The following CABLES1 variants were observed in gnomAD, a reference collection of about 807,000 sequenced individuals.
CABLES1 encodes the protein CDK5 and ABL1 enzyme substrate 1.
Under a neutral mutation model 57.8 loss-of-function variants are expected in CABLES1, and 36 were observed. That is an observed-to-expected ratio of 0.62 (90% CI 0.48 to 0.82). The LOEUF is 0.82. CABLES1 is among the 40% of genes least tolerant of loss of function. The pLI is 0.00. For missense variants in CABLES1, 767 were observed against 836.6 expected (o/e 0.92, Z 1.03); for synonymous variants, 374 against 363.0 (o/e 1.03, Z -0.35).
chr18:23,240,585 C>G (rs957034188), intron 7 of CABLES1, among the ~76,000 whole-genome samples: 1 of 152,230 alleles, frequency 6.6e-6, no homozygotes, highest in Non-Finnish European at 1.5e-5. Flanking sequence ...GGCAGATTCC[C>G]TCCTGGGTGG....
chr18:23,229,285 G>T (rs970863345), intron 4 of CABLES1, among the ~76,000 whole-genome samples: 1 of 152,018 alleles, frequency 6.6e-6, no homozygotes, highest in Non-Finnish European at 1.5e-5. Context: ...GGTGGCAGGC[G>T]CCTGTAATCC....
chr18:23,250,448 C>T (rs894201305), intron 7 of CABLES1, among the ~76,000 whole-genome samples: 1 of 152,172 alleles, frequency 6.6e-6, no homozygotes, highest in Non-Finnish European at 1.5e-5. Context: ...AGATGTGGCC[C>T]CCATTCTACT....
chr18:23,253,993 C>T, intron 9 of CABLES1, 57 bp downstream of exon 9: 1 of 1,480,916 alleles, frequency 6.8e-7, no homozygotes, highest in Non-Finnish European at 9.4e-7. Context: ...CGGGGTTCCT[C>T]TCTCAGAAGG....
At chr18:23,246,465 C>T (rs1011060207) in intron 7 of CABLES1, among the ~76,000 whole-genome samples, 3 of 151,958 alleles carry the variant, frequency 2.0e-5, no homozygotes, top group Non-Finnish European at 2.9e-5. Flanking sequence ...GATCTTGGCT[C>T]ACTGCAAGCT....
At position 23,212,812 on chromosome 18, in the gene CABLES1, G is replaced by A. The variant is rs142472491; in HGVS notation, c.1011-1165G>A. On this transcript the variant is annotated intron_variant, in intron 3 of 9. Coordinates refer to ENST00000256925, the MANE Select transcript of CABLES1 (RefSeq NM_001100619.3). ...CATGAAGAGGGGCAGGAAACACTCC[G>A]TGGAGGGGGTACTTCTGAGCTACGT... Among the ~76,000 whole-genome samples, 36 of 152,316 alleles carry A rather than the reference G, an allele frequency of 2.4e-4. No individual in the cohort carries two copies. In the East Asian group the frequency reaches 3.3e-3, roughly 14 times the overall value.
At chr18:23,158,257 G>A (rs2046978820) in intron 1 of CABLES1, among the ~76,000 whole-genome samples, 1 of 152,012 alleles carries the variant, frequency 6.6e-6, no homozygotes, top group Admixed American at 6.5e-5. Context: ...AGCTGTGTTT[G>A]CATCACTGCA....
At chr18:23,156,179 C>G (rs745530815) in intron 1 of CABLES1, among the ~76,000 whole-genome samples, 15 of 152,170 alleles carry the variant, frequency 9.9e-5, no homozygotes, top group Non-Finnish European at 1.3e-4. Flanking sequence ...CCTCCAGCCC[C>G]CAAGACCAGC....
At chr18:23,151,050 G>A (rs1289617597) in intron 1 of CABLES1, among the ~76,000 whole-genome samples, 2 of 132,218 alleles carry the variant, frequency 1.5e-5, no homozygotes, top group Admixed American at 1.7e-4. Flanking sequence ...GCAGAGTCTC[G>A]CTCTGTTGCC....
intron 2 of CABLES1, among the ~76,000 whole-genome samples, chr18:23,193,122 C>T (rs774119378): frequency 3.3e-5 from 5 of 152,102 alleles, no homozygotes; most frequent in Non-Finnish European, 7.4e-5. Context: ...ACTCTAACCC[C>T]TCCTGAAAGC....
intron 1 of CABLES1, among the ~76,000 whole-genome samples, chr18:23,181,882 G>A (rs1042805018): frequency 6.6e-6 from 1 of 152,176 alleles, no homozygotes; most frequent in Admixed American, 6.5e-5. Context: ...GGGTTTATTT[G>A]GTCATAATAA....
chr18:23,147,308 G>A (rs912751834), intron 1 of CABLES1, among the ~76,000 whole-genome samples: 5 of 152,220 alleles, frequency 3.3e-5, no homozygotes, highest in Admixed American at 1.3e-4. Flanking sequence ...GCCGCTTAAC[G>A]GCACCTTTTG....
chr18:23,187,287 G>A (rs9951244), intron 1 of CABLES1, among the ~76,000 whole-genome samples: 1 of 152,214 alleles, frequency 6.6e-6, no homozygotes, highest in Non-Finnish European at 1.5e-5. Context: ...CATGAACACA[G>A]AGGGCGATGT....
chr18:23,225,119 G>A (rs1475324068), intron 4 of CABLES1, among the ~76,000 whole-genome samples: 5 of 151,536 alleles, frequency 3.3e-5, no homozygotes, highest in African/African-American at 1.2e-4. Context: ...CTCCCACCTC[G>A]GCCTTCTAAA....
chr18:23,236,014 A>G lies in CABLES1; in HGVS notation c.1305A>G (p.Ile435Met). The change falls in exon 6 of 10, where the codon ATA (isoleucine) becomes ATG (methionine). Residue 435 changes from isoleucine to methionine, a missense_variant. Coordinates refer to ENST00000256925, the MANE Select transcript of CABLES1 (RefSeq NM_001100619.3). Reference sequence around the variant, plus strand: ...ACCTGAGCCACCGCAGCCTCTCCATAGGCCGGGCAAGCGGCACCCAGGGGA... The same window carrying G: ...ACCTGAGCCACCGCAGCCTCTCCATGGGCCGGGCAAGCGGCACCCAGGGGA... ...FRNLSHRSLS[I>M]GRASGTQGSL... 9 of 1,614,202 alleles carry G rather than the reference A, an allele frequency of 5.6e-6. No individual in the cohort carries two copies. The highest frequency in any genetic ancestry group is 6.8e-6 in the Non-Finnish European group (8 of 1,180,042).
chr18:23,245,435 C>T (rs577955488), intron 7 of CABLES1, among the ~76,000 whole-genome samples: 15 of 150,086 alleles, frequency 1.0e-4, no homozygotes, highest in Non-Finnish European at 2.1e-4. Context: ...CGCTTGAACC[C>T]GGGAGGCGGA....
chr18:23,196,949 C>T (rs1045217390), intron 3 of CABLES1: 1 of 152,366 alleles, frequency 6.6e-6, no homozygotes, highest in Non-Finnish European at 1.5e-5. Context: ...AAAACGCTGG[C>T]ATGGAGGCTC....
chr18:23,189,916 A>G (rs1220067026), intron 2 of CABLES1, among the ~76,000 whole-genome samples: 1 of 152,252 alleles, frequency 6.6e-6, no homozygotes, highest in Non-Finnish European at 1.5e-5. Context: ...GCCTGGGGTC[A>G]GAGGGGAAGT....
intron 9 of CABLES1, among the ~76,000 whole-genome samples, chr18:23,254,680 T>C (rs1313278989): frequency 6.6e-6 from 1 of 152,230 alleles, no homozygotes; most frequent in Non-Finnish European, 1.5e-5. Context: ...GAGGTTCCTC[T>C]CCTTGCTCAT....
intron 9 of CABLES1, among the ~76,000 whole-genome samples, chr18:23,256,067 TGGTTTGACCAGCCACTTAC>T (rs1200472273): frequency 6.6e-6 from 1 of 152,202 alleles, no homozygotes; most frequent in Non-Finnish European, 1.5e-5. Flanking sequence ...ATAACAGTAA[TGGTTTGACCAGCCACTTAC>T]GGTAGCAAGA....
Sources: gnomAD v4.1 joint callset for allele counts (sites outside exome capture counted in the v4.1 genomes callset) on GRCh38, gnomAD v4.1.1 for gene constraint, MANE v1.5 for transcripts, NCBI Gene and HGNC (gene_info 2026-07-23, HGNC 2026-07-21) for gene names.